CDK14: variants seen among roughly 807,000 people sequenced by gnomAD.
The protein encoded by CDK14 is cyclin dependent kinase 14.
CDK14 carries 34 observed loss-of-function variants against 60.7 expected under a neutral mutation model. The observed-to-expected ratio is 0.56, with a 90% CI of 0.43 to 0.75. The LOEUF (loss-of-function observed/expected upper bound fraction) is 0.75. Among genes scored for constraint, CDK14 ranks in the 30% least tolerant of loss-of-function variants. The probability of loss-of-function intolerance (pLI) is 0.00; values close to 1 mark genes in which losing one functional copy is unlikely to be tolerated. For missense variants in CDK14, 482 were observed against 564.1 expected (o/e 0.85, Z 1.47); for synonymous variants, 197 against 203.7 (o/e 0.97, Z 0.28).
intron 11 of CDK14, among the ~76,000 whole-genome samples, chr7:91,066,797 C>G (rs1271348987): frequency 6.6e-6 from 1 of 152,186 alleles, no homozygotes; most frequent in Non-Finnish European, 1.5e-5. Flanking sequence ...ATCTTCTGTT[C>G]CCTGCCCTGT....
At chr7:90,770,032 G>T (rs1420235504) in intron 4 of CDK14, among the ~76,000 whole-genome samples, 1 of 152,148 alleles carries the variant, frequency 6.6e-6, no homozygotes, top group East Asian at 1.9e-4. Flanking sequence ...TGCTAGATTT[G>T]GTAGCTGAGG....
At chr7:91,172,614 T>C (rs1417610954) in intron 14 of CDK14, among the ~76,000 whole-genome samples, 3 of 152,222 alleles carry the variant, frequency 2.0e-5, no homozygotes, top group Non-Finnish European at 4.4e-5. Flanking sequence ...CTGCATGATC[T>C]GTCCCTGATT....
Position 90,863,189 on chromosome 7 carries a change from G to C in CDK14, c.559G>C (p.Gly187Arg). ...TTGTTTTACAGCTTCTCTTTTAAAAGGACTAAAACATGCTAACATAGTGCT... is the reference window on the plus strand; with the variant it reads ...TTGTTTTACAGCTTCTCTTTTAAAACGACTAAAACATGCTAACATAGTGCT... ...TAIREASLLK[G>R]LKHANIVLLH... The change falls in exon 6 of 15, where the codon GGA becomes CGA. Residue 187 changes from glycine (G) to arginine (R), a missense_variant. Physicochemically the swap from Gly to Arg is moderately radical, Grantham distance 125. Transcript: ENST00000380050. 1 of 1,599,592 alleles carries C rather than the reference G, an allele frequency of 6.3e-7. No individual in the cohort carries two copies.
intron 14 of CDK14, among the ~76,000 whole-genome samples, chr7:91,159,751 G>A (rs1170359113): frequency 1.3e-5 from 2 of 152,172 alleles, no homozygotes; most frequent in Admixed American, 6.5e-5. Flanking sequence ...TAGGCGATGG[G>A]ACCAAAACTG....
At chr7:90,744,193 T>G (rs536056815) in intron 3 of CDK14, among the ~76,000 whole-genome samples, 1 of 152,192 alleles carries the variant, frequency 6.6e-6, no homozygotes, top group Admixed American at 6.5e-5. Context: ...GTACTTAAGA[T>G]TAGGGAGTGG....
chr7:90,884,171 G>T (rs6465294), intron 6 of CDK14, among the ~76,000 whole-genome samples: 63,533 of 151,912 alleles, frequency 0.42, 13,735 homozygotes, highest in East Asian at 0.67. Flanking sequence ...ACATGATTTT[G>T]TATTTAGAAA....
intron 3 of CDK14, among the ~76,000 whole-genome samples, chr7:90,732,462 T>A (rs1387328010): frequency 6.6e-6 from 1 of 152,196 alleles, no homozygotes; most frequent in African/African-American, 2.4e-5. Flanking sequence ...TGTGAATCCT[T>A]CTGGTCCTGG....
At chr7:90,654,593 G>C (rs1800713770) in intron 2 of CDK14, among the ~76,000 whole-genome samples, 1 of 152,122 alleles carries the variant, frequency 6.6e-6, no homozygotes, top group East Asian at 1.9e-4. Context: ...AATTCCTGAT[G>C]GATGTTCCAG....
At chr7:91,176,303 T>C (rs200411296) in intron 14 of CDK14, among the ~76,000 whole-genome samples, 5 of 152,190 alleles carry the variant, frequency 3.3e-5, no homozygotes, top group East Asian at 3.8e-4. Flanking sequence ...GGGACGCATT[T>C]AAAGTAGTGT....
chr7:91,004,234 A>G (rs1003795982), intron 10 of CDK14, among the ~76,000 whole-genome samples: 7 of 152,222 alleles, frequency 4.6e-5, no homozygotes, highest in Admixed American at 1.3e-4. Context: ...GGTTTTTTGA[A>G]ATGATTAGTA....
intron 2 of CDK14, among the ~76,000 whole-genome samples, chr7:90,672,210 TA>T (rs1483468560): frequency 6.6e-6 from 1 of 152,196 alleles, no homozygotes; most frequent in Admixed American, 6.5e-5. Flanking sequence ...ATTTTAAGTA[TA>T]CAATTCAGTA....
intron 12 of CDK14, among the ~76,000 whole-genome samples, chr7:91,103,866 G>C (rs1300939826): frequency 6.6e-6 from 1 of 151,932 alleles, no homozygotes; most frequent in Non-Finnish European, 1.5e-5. Flanking sequence ...GAGAGAGAGA[G>C]AGTGTGTATT....
chr7:91,076,242 C>CAAAAAAAAAAAAAA lies in CDK14; in HGVS notation c.1106-3169_1106-3156dup, dbSNP rs564729987. ...AACTATACTACAGTGCTACAGTAAC[C>CAAAAAAAAAAAAAA]AAAAAAAAAAAAAAAAAAAAAAAAA... On this transcript the variant is annotated intron_variant, in intron 11 of 14. Transcript: ENST00000380050. Among the ~76,000 whole-genome samples, 20 of 28,802 alleles carry CAAAAAAAAAAAAAA rather than the reference C, an allele frequency of 6.9e-4. 4 individuals are homozygous for CAAAAAAAAAAAAAA. Among genetic ancestry groups the CAAAAAAAAAAAAAA allele is most frequent in the Non-Finnish European group, 1.2e-3 (18 of 14,462 alleles). 18.9% of individuals were successfully genotyped at this position (28,802 alleles called of 152,430 possible).
chr7:90,945,349 A>G (rs946634438), intron 8 of CDK14, among the ~76,000 whole-genome samples: 4 of 152,220 alleles, frequency 2.6e-5, no homozygotes, highest in African/African-American at 9.6e-5. Context: ...TCAGGATTCT[A>G]GAAGGAAACA....
intron 3 of CDK14, among the ~76,000 whole-genome samples, chr7:90,741,471 C>T (rs1408064244): frequency 6.6e-6 from 1 of 152,146 alleles, no homozygotes; most frequent in African/African-American, 2.4e-5. Context: ...GAAACAACCT[C>T]ATGGAAGTTT....
intron 3 of CDK14, among the ~76,000 whole-genome samples, chr7:90,740,266 T>TAG (rs200497427): frequency 0.065 from 7,948 of 122,076 alleles, 250 homozygotes; most frequent in East Asian, 0.13. Flanking sequence ...TATATATATA[T>TAG]ATATAGAGAG....
At chr7:90,879,614 T>C (rs1322258700) in intron 6 of CDK14, among the ~76,000 whole-genome samples, 4 of 152,050 alleles carry the variant, frequency 2.6e-5, no homozygotes, top group Admixed American at 2.0e-4. Flanking sequence ...TGTGGTGTTA[T>C]TTCTGAGGCC....
In CDK14 at chr7:90,811,217, T is replaced by C. The variant is rs544023256; in HGVS notation, c.544+20565T>C. 9.1e-4 allele frequency among the ~76,000 whole-genome samples: 139 copies of C among 152,140 alleles called. 1 individual carries two copies. The highest frequency in any genetic ancestry group is 3.2e-3 in the African/African-American group (131 of 41,490). On this transcript the variant is annotated intron_variant, in intron 5 of 14. Coordinates refer to ENST00000380050, the MANE Select transcript of CDK14 (RefSeq NM_001287135.2). ...CATCATGCTACCTGACTTCAAACTATACTACAAGGCTACAGTAACCAAAAC... is the reference window on the plus strand; with the variant it reads ...CATCATGCTACCTGACTTCAAACTACACTACAAGGCTACAGTAACCAAAAC...
chr7:90,750,888 A>C (rs1803815533), intron 4 of CDK14, among the ~76,000 whole-genome samples: 1 of 152,160 alleles, frequency 6.6e-6, no homozygotes, highest in South Asian at 2.1e-4. Context: ...AAAGAAAAAA[A>C]AAGAAAAGAA....
Sources: gnomAD v4.1 joint callset for allele counts (sites outside exome capture counted in the v4.1 genomes callset) on GRCh38, gnomAD v4.1.1 for gene constraint, MANE v1.5 for transcripts, NCBI Gene and HGNC (gene_info 2026-07-23, HGNC 2026-07-21) for gene names.